Variants in ITGB3 observed in about 807,000 individuals in gnomAD.
ITGB3 encodes the protein integrin beta-3.
Under a neutral mutation model 85.8 loss-of-function variants are expected in ITGB3, and 48 were observed. The observed-to-expected ratio is 0.56, with a 90% CI of 0.44 to 0.71. The LOEUF is 0.71. Among genes scored for constraint, ITGB3 ranks in the 30% least tolerant of loss-of-function variants. The pLI is 0.00. For synonymous variants in ITGB3, 363 were observed against 395.6 expected (o/e 0.92, Z 0.98); for missense variants, 861 against 1,019.1 (o/e 0.84, Z 2.11).
In ITGB3 at chr17:47,292,040, T is replaced by G. The variant is rs1269390018; in HGVS notation, c.1261-99T>G. On this transcript the variant is annotated intron_variant, in intron 9 of 14. Transcript: ENST00000559488. The stretch of plus-strand genomic sequence containing the variant: ...AAAAGCATAAGACACCCAATTTGGG[T>G]ATTCCTTGGCAGGGCAGGGAACAAC... 2.4e-6 allele frequency: 3 copies of G among 1,239,842 alleles called. No individual in the cohort carries two copies. In the East Asian group the frequency reaches 7.1e-5, roughly 30 times the overall value. The allele number at this position is 1,239,842 out of a possible 1,614,324, so 76.8% of individuals were successfully genotyped here.
intron 13 of ITGB3, among the ~76,000 whole-genome samples, chr17:47,306,435 T>C (rs1237820099): frequency 1.3e-5 from 2 of 152,164 alleles, no homozygotes; most frequent in Non-Finnish European, 2.9e-5. Flanking sequence ...CCACAATGCC[T>C]GGCTAATTAA....
intron 1 of ITGB3, among the ~76,000 whole-genome samples, chr17:47,257,315 C>T (rs2064993989): frequency 1.3e-5 from 2 of 152,168 alleles, no homozygotes; most frequent in Non-Finnish European, 2.9e-5. Context: ...TTTGGCATAT[C>T]TCAGCTACTC....
chr17:47,260,673 G>A (rs2065005929), intron 1 of ITGB3, among the ~76,000 whole-genome samples: 1 of 152,162 alleles, frequency 6.6e-6, no homozygotes, highest in South Asian at 2.1e-4. Flanking sequence ...GAGCATGTTT[G>A]ACCAATCCCC....
intron 1 of ITGB3, among the ~76,000 whole-genome samples, chr17:47,255,906 T>A (rs1407726802): frequency 1.3e-5 from 2 of 152,062 alleles, no homozygotes; most frequent in Admixed American, 1.3e-4. Flanking sequence ...TGTGGAGCCT[T>A]GGGTCAGATG....
chr17:47,293,079 T>G (rs2143115613), intron 10 of ITGB3, among the ~76,000 whole-genome samples: 1 of 152,344 alleles, frequency 6.6e-6, no homozygotes, highest in South Asian at 2.1e-4. Flanking sequence ...AATTAAAAAT[T>G]CAGTTCTTCA....
In ITGB3 at chr17:47,274,412, G is replaced by A; in HGVS notation, c.80-7G>A. On this transcript the variant is annotated splice_region_variant and splice_polypyrimidine_tract_variant and intron_variant, in intron 1 of 14. Transcript: ENST00000559488. Reference sequence around the variant, plus strand: ...CTGGTGCTAATGCCTTTGTCTGTCTGTTGCAGGGCCCAACATCTGTACCAC... The same window carrying A: ...CTGGTGCTAATGCCTTTGTCTGTCTATTGCAGGGCCCAACATCTGTACCAC... The A allele has an allele frequency of 6.2e-7, 1 of 1,611,878 alleles. No individual in the cohort carries two copies. The highest frequency in any genetic ancestry group is 8.5e-7 in the Non-Finnish European group (1 of 1,179,812).
intron 1 of ITGB3, among the ~76,000 whole-genome samples, chr17:47,254,455 G>GT (rs922983223): frequency 6.6e-6 from 1 of 152,210 alleles, no homozygotes; most frequent in Admixed American, 6.5e-5. Flanking sequence ...TCTCCAGAAG[G>GT]TTTTTTCTTT....
At chr17:47,276,537 A>G (rs1157561194) in intron 2 of ITGB3, among the ~76,000 whole-genome samples, 1 of 152,186 alleles carries the variant, frequency 6.6e-6, no homozygotes, top group Non-Finnish European at 1.5e-5. Flanking sequence ...AAGAAAACAA[A>G]TGGAAGGAGG....
chr17:47,300,164 T>C, intron 11 of ITGB3, among the ~76,000 whole-genome samples: 1 of 152,190 alleles, frequency 6.6e-6, no homozygotes. Flanking sequence ...GACTTTATAG[T>C]TCTCAGAAAT....
At position 47,253,886 on chromosome 17, in the gene ITGB3, C is replaced by A; in HGVS notation, c.25C>A (p.Pro9Thr). The A allele has an allele frequency of 3.9e-6, 5 of 1,287,146 alleles. No individual in the cohort carries two copies. Among genetic ancestry groups the A allele is most frequent in the Admixed American group, 3.6e-5 (1 of 27,726 alleles). 79.7% of individuals were successfully genotyped at this position (1,287,146 alleles called of 1,614,324 possible). Residue 9 changes from proline (P) to threonine (T), a missense_variant, in exon 1 of 15, where the codon CCG (proline) becomes ACG (threonine). Pro to Thr is a conservative substitution (Grantham distance 38). Transcript: ENST00000559488. The part of the protein sequence containing the change: MRARPRPR[P>T]LWATVLALGA... ...GATGCGAGCGCGGCCGCGGCCCCGGCCGCTCTGGGCGACTGTGCTGGCGCT... is the reference window on the plus strand; with the variant it reads ...GATGCGAGCGCGGCCGCGGCCCCGGACGCTCTGGGCGACTGTGCTGGCGCT...
intron 1 of ITGB3, among the ~76,000 whole-genome samples, chr17:47,271,279 TC>T (rs1464213972): frequency 1.3e-5 from 2 of 152,168 alleles, no homozygotes; most frequent in African/African-American, 4.8e-5. Context: ...AGACCTCCTG[TC>T]CCCCAAGTAA....
chr17:47,255,290 T>G (rs915207722), intron 1 of ITGB3, among the ~76,000 whole-genome samples: 22 of 150,504 alleles, frequency 1.5e-4, no homozygotes, highest in East Asian at 1.0e-3. Flanking sequence ...GGATTTATTT[T>G]AAAAAGGGAA....
intron 1 of ITGB3, among the ~76,000 whole-genome samples, chr17:47,267,897 C>G (rs2065030994): frequency 6.6e-6 from 1 of 152,170 alleles, no homozygotes; most frequent in African/African-American, 2.4e-5. Flanking sequence ...CTTATAAAAA[C>G]ATATCCAAGA....
intron 1 of ITGB3, among the ~76,000 whole-genome samples, chr17:47,262,632 G>C (rs1488228042): frequency 6.6e-6 from 1 of 152,174 alleles, no homozygotes; most frequent in Non-Finnish European, 1.5e-5. Context: ...GAGTTCCTGA[G>C]AAGTGAAGTG....
At chr17:47,292,632 G>T in intron 10 of ITGB3, 64 bp downstream of exon 10, 1 of 1,551,084 alleles carries the variant, frequency 6.4e-7, no homozygotes, top group South Asian at 1.1e-5. Context: ...TGCAACCACT[G>T]GAAACATAGG....
At chr17:47,278,173 A>C (rs2065070285) in intron 2 of ITGB3, among the ~76,000 whole-genome samples, 1 of 152,194 alleles carries the variant, frequency 6.6e-6, no homozygotes, top group African/African-American at 2.4e-5. Flanking sequence ...TGAGTTAATC[A>C]AGACAGCAAT....
At chr17:47,288,030 C>CT (rs35466300) in intron 6 of ITGB3, among the ~76,000 whole-genome samples, 42,874 of 146,878 alleles carry the variant, frequency 0.29, 6,272 homozygotes, top group East Asian at 0.34. Context: ...TCCTGAATAG[C>CT]TGGGACCACA....
intron 1 of ITGB3, among the ~76,000 whole-genome samples, chr17:47,270,767 G>A (rs1178539491): frequency 1.3e-5 from 2 of 152,204 alleles, no homozygotes; most frequent in African/African-American, 4.8e-5. Flanking sequence ...GTTGGGCAAG[G>A]CCTTTGAAGT....
At chr17:47,304,242 T>A (rs1030558249) in intron 13 of ITGB3, among the ~76,000 whole-genome samples, 1 of 152,226 alleles carries the variant, frequency 6.6e-6, no homozygotes, top group Admixed American at 6.5e-5. Flanking sequence ...GCCTCCCTGC[T>A]CATCTCCCAG....
Sources: gnomAD v4.1 joint callset for allele counts (sites outside exome capture counted in the v4.1 genomes callset) on GRCh38, gnomAD v4.1.1 for gene constraint, MANE v1.5 for transcripts, NCBI Gene and HGNC (gene_info 2026-07-23, HGNC 2026-07-21) for gene names.